SLC4A4: variants seen among roughly 807,000 people sequenced by gnomAD.
The protein encoded by SLC4A4 is electrogenic sodium bicarbonate cotransporter 1.
SLC4A4 carries 27 observed loss-of-function variants against 111.5 expected under a neutral mutation model. That is an observed-to-expected ratio of 0.24 (90% CI 0.18 to 0.33). The LOEUF is 0.33. Ranked by LOEUF, SLC4A4 falls within the 10% of genes least tolerant of loss-of-function variation. The probability of loss-of-function intolerance (pLI) is 1.00; values close to 1 mark genes in which losing one functional copy is unlikely to be tolerated. For synonymous variants in SLC4A4, 443 were observed against 463.4 expected, an observed-to-expected ratio of 0.96 and a Z score of 0.57; for missense variants, 909 against 1,315.5, an observed-to-expected ratio of 0.69 and a Z score of 4.78.
intron 2 of SLC4A4, among the ~76,000 whole-genome samples, chr4:71,245,288 G>A (rs1051933550): frequency 1.3e-5 from 2 of 152,128 alleles, no homozygotes; most frequent in Non-Finnish European, 2.9e-5. Context: ...ATTGCAGAAG[G>A]GTTTTAAGCA....
At chr4:71,552,518 A>C (rs1334985015) in intron 20 of SLC4A4, among the ~76,000 whole-genome samples, 1 of 151,894 alleles carries the variant, frequency 6.6e-6, no homozygotes, top group Non-Finnish European at 1.5e-5. Flanking sequence ...TTCAAATACT[A>C]TCAGCACATC....
intron 6 of SLC4A4, among the ~76,000 whole-genome samples, chr4:71,392,062 G>T (rs1371829553): frequency 6.6e-6 from 1 of 152,050 alleles, no homozygotes; most frequent in Non-Finnish European, 1.5e-5. Context: ...CAAGAACGTT[G>T]TTAGGAACCT....
chr4:71,450,172 CA>C (rs1483589588), intron 9 of SLC4A4, among the ~76,000 whole-genome samples: 2 of 152,110 alleles, frequency 1.3e-5, no homozygotes, highest in African/African-American at 4.8e-5. Context: ...CACATAAAAA[CA>C]TAGCTGTTTC....
At chr4:71,108,313 G>A (rs1431807534) in intron 2 of SLC4A4, among the ~76,000 whole-genome samples, 1 of 152,124 alleles carries the variant, frequency 6.6e-6, no homozygotes, top group Non-Finnish European at 1.5e-5. Flanking sequence ...GGACTCCCTT[G>A]ACCATTCTTG....
intron 2 of SLC4A4, among the ~76,000 whole-genome samples, chr4:71,143,419 G>A (rs911969352): frequency 2.7e-4 from 41 of 152,304 alleles, no homozygotes; most frequent in South Asian, 6.2e-4. Context: ...ACGTGTGCAT[G>A]TGTCTTTATA....
intron 3 of SLC4A4, among the ~76,000 whole-genome samples, chr4:71,317,928 C>T (rs945249529): frequency 1.9e-4 from 29 of 151,864 alleles, no homozygotes; most frequent in South Asian, 6.2e-4. Context: ...TCATAATAAG[C>T]GCTATTTATT....
intron 21 of SLC4A4, 33 bp from the exon 22 acceptor site, chr4:71,557,679 T>A: frequency 6.2e-7 from 1 of 1,603,832 alleles, no homozygotes; most frequent in South Asian, 1.1e-5. Flanking sequence ...AATGCAGTAA[T>A]GCAGTTGGAC....
intron 18 of SLC4A4, among the ~76,000 whole-genome samples, chr4:71,545,690 A>G (rs1011783538): frequency 6.6e-6 from 1 of 151,994 alleles, no homozygotes; most frequent in Non-Finnish European, 1.5e-5. Flanking sequence ...GTTAATGGTG[A>G]TATATAATAG....
At chr4:71,532,038 C>G in intron 16 of SLC4A4, 24 bp from the exon 17 acceptor site, 1 of 1,386,972 alleles carries the variant, frequency 7.2e-7, no homozygotes, top group Non-Finnish European at 1.0e-6. Context: ...TAAATGGTTC[C>G]TGGTTTCTTT....
At chr4:71,325,959 T>A (rs1012792146) in intron 3 of SLC4A4, among the ~76,000 whole-genome samples, 3 of 151,982 alleles carry the variant, frequency 2.0e-5, no homozygotes, top group Admixed American at 2.0e-4. Flanking sequence ...CTCATTTCTT[T>A]TATTTATAAA....
chr4:71,313,984 C>T (rs1317484346), intron 3 of SLC4A4, among the ~76,000 whole-genome samples: 1 of 152,076 alleles, frequency 6.6e-6, no homozygotes, highest in African/African-American at 2.4e-5. Flanking sequence ...GAACAGGCAT[C>T]CTACAGAATG....
chr4:71,327,602 G>A (rs773979745), intron 3 of SLC4A4, among the ~76,000 whole-genome samples: 44 of 151,886 alleles, frequency 2.9e-4, no homozygotes, highest in African/African-American at 7.0e-4. Context: ...CTGGGATAGC[G>A]TAACCATTCA....
At chr4:71,402,836 C>G (rs1720490992) in intron 7 of SLC4A4, among the ~76,000 whole-genome samples, 1 of 152,142 alleles carries the variant, frequency 6.6e-6, no homozygotes, top group East Asian at 1.9e-4. Flanking sequence ...ACAGCTTGTG[C>G]TTAGATAATT....
chr4:71,416,884 C>G (rs538212587), intron 7 of SLC4A4, among the ~76,000 whole-genome samples: 1 of 152,088 alleles, frequency 6.6e-6, no homozygotes, highest in Non-Finnish European at 1.5e-5. Flanking sequence ...TGAGAAATCC[C>G]GGACAAGGGT....
At chr4:71,165,533 T>C (rs1306699953) in intron 2 of SLC4A4, among the ~76,000 whole-genome samples, 5 of 151,882 alleles carry the variant, frequency 3.3e-5, no homozygotes, top group Non-Finnish European at 7.4e-5. Context: ...GAGGCGAACT[T>C]CACACATTGG....
In SLC4A4 at chr4:71,420,695, A is replaced by G. The variant is rs1378742596; in HGVS notation, c.808-19921A>G. Among the ~76,000 whole-genome samples, 126 of 150,928 alleles carry G rather than the reference A, an allele frequency of 8.3e-4. 1 individual carries two copies. In the East Asian group the frequency reaches 0.02, roughly 24 times the overall value. Reference sequence around the variant, plus strand: ...GGGCCAATATTCAACATTCTTAAAGAAAAGAATTTTCAACCCAGAATTTCA... The same window carrying G: ...GGGCCAATATTCAACATTCTTAAAGGAAAGAATTTTCAACCCAGAATTTCA... On this transcript the variant is annotated intron_variant, in intron 7 of 25. Coordinates refer to ENST00000264485, the MANE Select transcript of SLC4A4 (RefSeq NM_001098484.3).
At chr4:71,262,119 A>G (rs1192269211) in intron 3 of SLC4A4, among the ~76,000 whole-genome samples, 1 of 152,050 alleles carries the variant, frequency 6.6e-6, no homozygotes, top group East Asian at 1.9e-4. Context: ...TGTATTTGTG[A>G]GTTTGTGTGA....
intron 1 of SLC4A4, among the ~76,000 whole-genome samples, chr4:71,092,687 T>C (rs1174724505): frequency 6.6e-6 from 1 of 152,236 alleles, no homozygotes; most frequent in Non-Finnish European, 1.5e-5. Context: ...AGTTTTTGTA[T>C]TATTTGAGAT....
At chr4:71,324,820 G>A (rs1286868005) in intron 3 of SLC4A4, among the ~76,000 whole-genome samples, 2 of 151,952 alleles carry the variant, frequency 1.3e-5, no homozygotes, top group African/African-American at 4.8e-5. Context: ...AAATGTCTGA[G>A]TAAACTCTAG....
Sources: gnomAD v4.1 joint callset for allele counts (sites outside exome capture counted in the v4.1 genomes callset) on GRCh38, gnomAD v4.1.1 for gene constraint, MANE v1.5 for transcripts, NCBI Gene and HGNC (gene_info 2026-07-23, HGNC 2026-07-21) for gene names.